PPP2R5D: variants seen among roughly 807,000 people sequenced by gnomAD.
PPP2R5D encodes protein phosphatase 2 regulatory subunit B'delta.
PPP2R5D carries 12 observed loss-of-function variants against 79.1 expected under a neutral mutation model. The observed-to-expected ratio is 0.15, with a 90% CI of 0.10 to 0.25. The LOEUF (loss-of-function observed/expected upper bound fraction) is 0.25, where lower values mean the gene tolerates loss of function less well. Among genes scored for constraint, PPP2R5D ranks in the 10% least tolerant of loss-of-function variants. PPP2R5D has a pLI of 1.00. For synonymous variants in PPP2R5D, 277 were observed against 286.6 expected, an observed-to-expected ratio of 0.97 and a Z score of 0.34; for missense variants, 419 against 760.2, an observed-to-expected ratio of 0.55 and a Z score of 5.28.
chr6:43,010,932 A>T lies in PPP2R5D; in HGVS notation c.1606A>T (p.Thr536Ser). The change falls in exon 15 of 16, where the codon ACA becomes TCA. Residue 536 changes from threonine to serine, a missense_variant. Physicochemically the swap from Thr to Ser is moderately conservative, Grantham distance 58 (BLOSUM62 1). This residue lies in a region of PPP2R5D where 84 missense variants were observed against 105.4 expected (regional missense o/e 0.80). Coordinates refer to ENST00000485511, the MANE Select transcript of PPP2R5D (RefSeq NM_006245.4). The surrounding 1 kb of genome is among the most constrained non-coding windows in gnomAD (Gnocchi z 4.7). ...ACTGCCCCCTGTGTACTCGATGGAG[A>T]CAGAGACCCCCACAGCTGAGGACAT... The part of the protein sequence containing the change: ...PPLPPVYSME[T>S]ETPTAEDIQL... 1 of 1,614,084 alleles carries T rather than the reference A, an allele frequency of 6.2e-7. No homozygotes were observed. The highest frequency in any genetic ancestry group is 8.5e-7 in the Non-Finnish European group (1 of 1,180,014).
chr6:42,984,648 A>T lies in PPP2R5D; in HGVS notation c.-30A>T, dbSNP rs1340049327. On this transcript the variant is annotated 5_prime_UTR_variant, in exon 1 of 16. Coordinates refer to ENST00000485511, the MANE Select transcript of PPP2R5D (RefSeq NM_006245.4). ...AAAGCCGGAGCCGGAGCGGGGCCGC[A>T]GGAGACGGGCCGGGTCCGGACGGGC... The T allele has an allele frequency of 6.3e-7, 1 of 1,590,454 alleles. No individual in the cohort carries two copies. Among genetic ancestry groups the T allele is most frequent in the Non-Finnish European group, 8.5e-7 (1 of 1,170,282 alleles).
At position 43,010,831 on chromosome 6, in the gene PPP2R5D, C is replaced by T. The variant is rs1445998614; in HGVS notation, c.1555-50C>T. The T allele has an allele frequency of 6.2e-7, 1 of 1,600,508 alleles. No individual in the cohort carries two copies. Among genetic ancestry groups the T allele is most frequent in the Non-Finnish European group, 8.6e-7 (1 of 1,168,512 alleles). ...GGGAGGAATATGGGGCACACAGGCC[C>T]CCAAGCCTCTGAAGTGGCTCTTAAC... On this transcript the variant is annotated intron_variant, in intron 14 of 15. Coordinates refer to ENST00000485511, the MANE Select transcript of PPP2R5D (RefSeq NM_006245.4). This position sits in a 1 kb window ranked among gnomAD's most constrained non-coding sequence, Gnocchi z 4.7.
intron 2 of PPP2R5D, among the ~76,000 whole-genome samples, chr6:43,003,529 A>G (rs1761890549): frequency 6.6e-6 from 1 of 152,246 alleles, no homozygotes; most frequent in Non-Finnish European, 1.5e-5. Flanking sequence ...TAAGGCAGAA[A>G]AAAAGCAGTG....
intron 2 of PPP2R5D, among the ~76,000 whole-genome samples, chr6:42,992,933 G>C (rs1332245373): frequency 6.6e-6 from 1 of 152,216 alleles, no homozygotes; most frequent in African/African-American, 2.4e-5. Context: ...GGCTGAGGCA[G>C]GTGGATCACC....
intron 2 of PPP2R5D, among the ~76,000 whole-genome samples, chr6:43,002,734 T>G (rs1367159005): frequency 6.6e-6 from 1 of 152,182 alleles, no homozygotes; most frequent in Non-Finnish European, 1.5e-5. Context: ...TATAAAAAAT[T>G]CAGAGGATGC....
At chr6:43,011,096 G>C in intron 15 of PPP2R5D, 53 bp from the exon 16 acceptor site, 3 of 1,612,906 alleles carry the variant, frequency 1.9e-6, no homozygotes, top group Non-Finnish European at 2.5e-6. Context: ...CGGAACAATA[G>C]AATTCACTGG....
chr6:42,995,671 G>A (rs1348590224), intron 2 of PPP2R5D, among the ~76,000 whole-genome samples: 1 of 150,726 alleles, frequency 6.6e-6, no homozygotes, highest in African/African-American at 2.4e-5. Context: ...TCCTGCCTCA[G>A]TCTCCCAAGT....
chr6:42,991,598 G>A (rs1771270472), intron 2 of PPP2R5D, among the ~76,000 whole-genome samples: 2 of 152,100 alleles, frequency 1.3e-5, no homozygotes, highest in Admixed American at 1.3e-4. Flanking sequence ...GCTCCATGAG[G>A]CTCTCATTCA....
Position 43,010,618 on chromosome 6 carries a change from CTG to C in PPP2R5D, c.1482-42_1482-41del. On this transcript the variant is annotated intron_variant, in intron 13 of 15. Transcript: ENST00000485511. The surrounding 1 kb of genome is among the most constrained non-coding windows in gnomAD (Gnocchi z 4.7). The stretch of plus-strand genomic sequence containing the variant: ...ACTTTCATCTTCTACCACCAGCTCA[CTG>C]TGTTTCTCTCAAGCCCAACCCCAAT... 1 of 1,613,176 alleles carries C rather than the reference CTG, an allele frequency of 6.2e-7. No homozygotes were observed. Among genetic ancestry groups the C allele is most frequent in the Non-Finnish European group, 8.5e-7 (1 of 1,179,102 alleles).
chr6:42,998,370 G>A (rs1771940432), intron 2 of PPP2R5D, among the ~76,000 whole-genome samples: 1 of 151,954 alleles, frequency 6.6e-6, no homozygotes, highest in Non-Finnish European at 1.5e-5. Flanking sequence ...ACTGTGCCCA[G>A]CGTGGGTTTA....
chr6:42,992,602 G>C (rs1771346401), intron 2 of PPP2R5D, among the ~76,000 whole-genome samples: 1 of 151,934 alleles, frequency 6.6e-6, no homozygotes, highest in South Asian at 2.1e-4. Context: ...TTGCTTGAGG[G>C]CAGGAGTTTG....
rs146372245 is a variant in PPP2R5D, at chr6:43,010,068, T to TA, written c.1380-390dup. Among the ~76,000 whole-genome samples, 13,876 of 146,586 alleles carry TA rather than the reference T, an allele frequency of 0.095. 1,001 individuals are homozygous for TA. The highest frequency in any genetic ancestry group is 0.18 in the African/African-American group (7,038 of 38,474). ...TGGGCAACAGAGTGAGACTCCGTCT[T>TA]AAAAAAAAAACTCAGGGTTTTGAAA... On this transcript the variant is annotated intron_variant, in intron 12 of 15. Coordinates refer to ENST00000485511, the MANE Select transcript of PPP2R5D (RefSeq NM_006245.4). This position sits in a 1 kb window ranked among gnomAD's most constrained non-coding sequence, Gnocchi z 4.7.
At chr6:42,996,338 G>A (rs1253182804) in intron 2 of PPP2R5D, among the ~76,000 whole-genome samples, 1 of 151,352 alleles carries the variant, frequency 6.6e-6, no homozygotes, top group Non-Finnish European at 1.5e-5. Context: ...GGTGGCGGGC[G>A]CCTGTAGTCC....
intron 2 of PPP2R5D, among the ~76,000 whole-genome samples, chr6:42,990,722 T>C (rs1771200361): frequency 7.0e-6 from 1 of 143,774 alleles, no homozygotes. Context: ...TTTTTTTTTT[T>C]TTTTGAGATG....
chr6:43,008,531 C>G lies in PPP2R5D; in HGVS notation c.1026+56C>G. Reference sequence around the variant, plus strand: ...CTCAGGCAGCAGAGAAAAGAGCCGGCAGGAAAGTGTTCCAGCTGGGATAGG... The same window carrying G: ...CTCAGGCAGCAGAGAAAAGAGCCGGGAGGAAAGTGTTCCAGCTGGGATAGG... On this transcript the variant is annotated intron_variant, in intron 9 of 15. Transcript: ENST00000485511. The surrounding 1 kb of genome is among the most constrained non-coding windows in gnomAD (Gnocchi z 4.2). 1.3e-6 allele frequency: 2 copies of G among 1,536,774 alleles called. No homozygotes were observed. Among genetic ancestry groups the G allele is most frequent in the East Asian group, 4.5e-5 (2 of 44,472 alleles).
intron 2 of PPP2R5D, among the ~76,000 whole-genome samples, chr6:42,990,699 CTTTTTTTTTTTTTTT>C (rs70990164): frequency 2.3e-4 from 12 of 51,598 alleles, no homozygotes; most frequent in African/African-American, 7.2e-4. Flanking sequence ...CAGTATTCTA[CTTTTTTTTTTTTTTT>C]TTTTTTTTTT....
chr6:43,007,362 G>A lies in PPP2R5D; in HGVS notation c.634-52G>A. On this transcript the variant is annotated intron_variant, in intron 5 of 15. Transcript: ENST00000485511. The surrounding 1 kb of genome is among the most constrained non-coding windows in gnomAD (Gnocchi z 4.5). Reference sequence around the variant, plus strand: ...GCTGCAGGGAGTGGGGCACTTGGAGGCCTGCAAGTCCTTGGGAACATCCCC... The same window carrying A: ...GCTGCAGGGAGTGGGGCACTTGGAGACCTGCAAGTCCTTGGGAACATCCCC... 1.2e-6 allele frequency: 2 copies of A among 1,604,362 alleles called. No homozygotes were observed. The highest frequency in any genetic ancestry group is 8.5e-7 in the Non-Finnish European group (1 of 1,171,080).
chr6:42,998,804 G>A (rs1771974321), intron 2 of PPP2R5D, among the ~76,000 whole-genome samples: 1 of 152,314 alleles, frequency 6.6e-6, no homozygotes, highest in African/African-American at 2.4e-5. Flanking sequence ...GGAGGCTGAG[G>A]CAGGCAGATC....
intron 1 of PPP2R5D, among the ~76,000 whole-genome samples, chr6:42,989,211 A>G (rs896777588): frequency 6.6e-6 from 1 of 152,164 alleles, no homozygotes; most frequent in Non-Finnish European, 1.5e-5. Flanking sequence ...GCACTCCAGC[A>G]TGAAAGCCTC....
Sources: allele counts gnomAD v4.1 joint callset (sites outside exome capture counted in the v4.1 genomes callset), GRCh38; gene constraint gnomAD v4.1.1; regional missense constraint gnomAD v4.1.1; non-coding constraint Gnocchi (gnomAD v3.1); transcripts MANE v1.5; gene names NCBI Gene and HGNC (gene_info 2026-07-23, HGNC 2026-07-21).